OXSR1: variants seen among roughly 807,000 people sequenced by gnomAD.
OXSR1 encodes the protein oxidative stress responsive kinase 1, also known as serine/threonine-protein kinase OSR1.
A neutral mutation model predicts 79.8 loss-of-function variants in OXSR1; 24 were observed. The ratio of observed to expected loss-of-function variants is 0.30; its 90% CI spans 0.22 to 0.42. The LOEUF (loss-of-function observed/expected upper bound fraction) is 0.42, where lower values mean the gene tolerates loss of function less well. OXSR1 is among the 10% of genes least tolerant of loss of function. The pLI, the probability that OXSR1 is intolerant of heterozygous loss-of-function variation, is 1.00. For missense variants in OXSR1, 430 were observed against 618.4 expected, an observed-to-expected ratio of 0.70 and a Z score of 3.23; for synonymous variants, 226 against 209.2, an observed-to-expected ratio of 1.08 and a Z score of -0.69.
At chr3:38,244,675 A>G (rs1703104938) in intron 12 of OXSR1, among the ~76,000 whole-genome samples, 2 of 9,270 alleles carry the variant, frequency 2.2e-4, no homozygotes, top group Admixed American at 9.6e-4. Flanking sequence ...GTGCGTGCGC[A>G]TGTACCACAT....
chr3:38,193,999 A>G (rs2125816550), intron 3 of OXSR1, among the ~76,000 whole-genome samples: 1 of 152,366 alleles, frequency 6.6e-6, no homozygotes, highest in East Asian at 1.9e-4. Flanking sequence ...TTAGAAAACA[A>G]AAGTTAGAAC....
chr3:38,171,354 C>T (rs759109342), intron 1 of OXSR1, among the ~76,000 whole-genome samples: 4 of 152,268 alleles, frequency 2.6e-5, no homozygotes, highest in East Asian at 1.9e-4. Context: ...TTACACTCAA[C>T]TTTTTCAGGA....
At chr3:38,215,052 A>C (rs775184318) in intron 4 of OXSR1, among the ~76,000 whole-genome samples, 2 of 152,186 alleles carry the variant, frequency 1.3e-5, no homozygotes, top group Middle Eastern at 3.2e-3. Context: ...TATTTCCACA[A>C]GTTATTCAGA....
At chr3:38,176,073 A>G (rs1015270119) in intron 1 of OXSR1, among the ~76,000 whole-genome samples, 1 of 152,222 alleles carries the variant, frequency 6.6e-6, no homozygotes, top group Non-Finnish European at 1.5e-5. Flanking sequence ...ATTATAGCAG[A>G]CTAAACCATT....
intron 4 of OXSR1, among the ~76,000 whole-genome samples, chr3:38,202,217 G>A (rs564340771): frequency 6.3e-4 from 96 of 152,184 alleles, no homozygotes; most frequent in Non-Finnish European, 1.2e-3. Context: ...AGTGGAGGAC[G>A]GGGTCTTTAG....
intron 2 of OXSR1, among the ~76,000 whole-genome samples, chr3:38,185,873 A>G (rs1355525670): frequency 7.4e-6 from 1 of 134,930 alleles, no homozygotes; most frequent in East Asian, 2.5e-4. Flanking sequence ...TGAGCCCAGG[A>G]TGTTGATGCT....
At chr3:38,213,339 A>G (rs1466086537) in intron 4 of OXSR1, among the ~76,000 whole-genome samples, 2 of 152,162 alleles carry the variant, frequency 1.3e-5, no homozygotes, top group African/African-American at 2.4e-5. Context: ...AAAACATTGT[A>G]TACATTCCAG....
intron 12 of OXSR1, among the ~76,000 whole-genome samples, chr3:38,245,519 T>A (rs917792974): frequency 1.3e-5 from 2 of 152,232 alleles, no homozygotes; most frequent in African/African-American, 4.8e-5. Context: ...TCTGTAATTT[T>A]GTATTACATA....
intron 3 of OXSR1, among the ~76,000 whole-genome samples, chr3:38,194,377 C>G (rs1702036527): frequency 6.6e-6 from 1 of 152,064 alleles, no homozygotes; most frequent in Non-Finnish European, 1.5e-5. Flanking sequence ...CATGGCAAGA[C>G]CCTGTCTCTA....
At chr3:38,217,392 A>G (rs931351453) in intron 5 of OXSR1, among the ~76,000 whole-genome samples, 1 of 152,214 alleles carries the variant, frequency 6.6e-6, no homozygotes, top group Non-Finnish European at 1.5e-5. Flanking sequence ...CTAGGTGTAT[A>G]GCCCAGAGAA....
intron 8 of OXSR1, among the ~76,000 whole-genome samples, chr3:38,226,667 C>T (rs574707534): frequency 2.6e-5 from 4 of 151,990 alleles, no homozygotes; most frequent in Non-Finnish European, 4.4e-5. Context: ...AAATCCGTAA[C>T]TTCGGTCTAT....
At chr3:38,178,602 CTATATA>C (rs1286921432) in intron 1 of OXSR1, among the ~76,000 whole-genome samples, 10 of 91,006 alleles carry the variant, frequency 1.1e-4, no homozygotes, top group Non-Finnish European at 1.6e-4. Context: ...CCATATCCAG[CTATATA>C]TATATATATA....
chr3:38,252,441 G>A, intron 17 of OXSR1, 49 bp downstream of exon 17: 1 of 1,235,840 alleles, frequency 8.1e-7, no homozygotes. Flanking sequence ...TTATACACTG[G>A]CAGCTTCTCC....
In OXSR1 at chr3:38,252,876, G is replaced by C; in HGVS notation, c.1569G>C (p.Gln523His). 6.2e-7 allele frequency: 1 copy of C among 1,613,612 alleles called. No individual in the cohort carries two copies. Among genetic ancestry groups the C allele is most frequent in the Non-Finnish European group, 8.5e-7 (1 of 1,179,640 alleles). ...PDDGKLIGFAQLSIS is the reference protein window; with the variant it reads ...PDDGKLIGFAHLSIS ...ATGGTAAACTGATAGGATTTGCCCAGCTCAGCATCAGCTAAACCACAACCC... is the reference window on the plus strand; with the variant it reads ...ATGGTAAACTGATAGGATTTGCCCACCTCAGCATCAGCTAAACCACAACCC... The change falls in exon 18 of 18, where the codon CAG (glutamine) becomes CAC (histidine). Residue 523 changes from glutamine to histidine, a missense_variant. By Grantham distance (24) the Gln-to-His change is conservative (BLOSUM62 0). Transcript: ENST00000311806.
Position 38,198,834 on chromosome 3 carries a change from A to G in OXSR1, c.405A>G (p.Glu135=). 1.2e-6 allele frequency: 2 copies of G among 1,613,790 alleles called. No individual in the cohort carries two copies. Among genetic ancestry groups the G allele is most frequent in the East Asian group, 2.2e-5 (1 of 44,828 alleles). ...TCCGAGAAGTACTGGAAGGGCTGGAATATCTGCATAAAAATGGACAGATCC... is the reference window on the plus strand; with the variant it reads ...TCCGAGAAGTACTGGAAGGGCTGGAGTATCTGCATAAAAATGGACAGATCC... The part of the protein sequence containing the change: ...TILREVLEGL[E]YLHKNGQIHR... Residue 135 remains glutamate, a synonymous_variant, in exon 4 of 18, where the codon GAA becomes GAG. Coordinates refer to ENST00000311806, the MANE Select transcript of OXSR1 (RefSeq NM_005109.3).
chr3:38,198,419 G>A (rs1441943833), intron 3 of OXSR1, among the ~76,000 whole-genome samples: 1 of 152,054 alleles, frequency 6.6e-6, no homozygotes, highest in African/African-American at 2.4e-5. Context: ...TAGTACTGAC[G>A]AGCCTGGTTT....
At chr3:38,239,652 G>A (rs575399869) in intron 11 of OXSR1, among the ~76,000 whole-genome samples, 5 of 152,218 alleles carry the variant, frequency 3.3e-5, no homozygotes, top group Admixed American at 3.3e-4. Context: ...CTATTCTCAG[G>A]CATTTCCTCA....
chr3:38,221,081 A>C (rs1702578855), intron 5 of OXSR1, among the ~76,000 whole-genome samples: 1 of 152,220 alleles, frequency 6.6e-6, no homozygotes, highest in Admixed American at 6.5e-5. Flanking sequence ...CTCTTTGAAT[A>C]CTAAGCTAAA....
intron 3 of OXSR1, among the ~76,000 whole-genome samples, chr3:38,191,534 A>G (rs1390419547): frequency 6.6e-6 from 1 of 152,052 alleles, no homozygotes; most frequent in African/African-American, 2.4e-5. Flanking sequence ...TATTTCTTGT[A>G]TATTGAAAAT....
Sources: allele counts gnomAD v4.1 joint callset (sites outside exome capture counted in the v4.1 genomes callset), GRCh38; gene constraint gnomAD v4.1.1; transcripts MANE v1.5; gene names NCBI Gene and HGNC (gene_info 2026-07-23, HGNC 2026-07-21).